The following RGS19 variants were observed in gnomAD, a reference collection of about 807,000 sequenced individuals.
RGS19 encodes regulator of G protein signaling 19.
In RGS19, 9 loss-of-function variants were observed where a neutral mutation model predicts 22.0. That is an observed-to-expected ratio of 0.41 (90% confidence interval 0.25 to 0.71). RGS19 has a LOEUF of 0.71. RGS19 is among the 30% of genes least tolerant of loss of function. RGS19 has a pLI of 0.32. For synonymous variants in RGS19, 130 were observed against 127.3 expected (o/e 1.02, Z -0.14); for missense variants, 256 against 307.1 (o/e 0.83, Z 1.24).
intron 1 of RGS19, among the ~76,000 whole-genome samples, chr20:64,078,686 C>T (rs1174166597): frequency 1.3e-5 from 2 of 152,172 alleles, no homozygotes; most frequent in East Asian, 1.9e-4. Flanking sequence ...GACCTGGCTT[C>T]CTGTACCCTT....
In RGS19 at chr20:64,074,353, G is replaced by A; in HGVS notation, c.253C>T (p.Gln85Ter). 1.2e-6 allele frequency: 2 copies of A among 1,611,440 alleles called. No individual in the cohort carries two copies. The highest frequency in any genetic ancestry group is 1.7e-6 in the Non-Finnish European group (2 of 1,179,444). The change falls in exon 5 of 6, where the codon CAG becomes TAG. Residue 85 changes from glutamine to a stop codon, truncating the protein, a stop_gained. Coordinates refer to ENST00000395042, the MANE Select transcript of RGS19 (RefSeq NM_005873.3). LOFTEE classifies it high-confidence loss of function. ...TTGTCAAAAGACTGCGCCCAGCTCT[G>A]CACCTCCTCAGGACTTGGCGTGGCA... is the stretch of plus-strand genomic sequence containing the variant. Reference protein sequence around the residue: ...VCATPSPEEVQSWAQSFDKLM... With the variant: ...VCATPSPEEV
In RGS19 at chr20:64,075,885, C is replaced by T. The variant is rs7508991; in HGVS notation, c.152+640G>A. On this transcript the variant is annotated intron_variant, in intron 3 of 5. Transcript: ENST00000395042. The surrounding 1 kb of genome is among the most constrained non-coding windows in gnomAD (Gnocchi z 4.6). Reference sequence around the variant, plus strand: ...TGTGCCTGTCTTTCTTTCTTTCTTTCTTTTTTTTTTTTTGAGACGGAGTTT... The same window carrying T: ...TGTGCCTGTCTTTCTTTCTTTCTTTTTTTTTTTTTTTTTGAGACGGAGTTT... 2.4e-5 allele frequency among the ~76,000 whole-genome samples: 2 copies of T among 83,258 alleles called. No individual in the cohort carries two copies. Among genetic ancestry groups the T allele is most frequent in the African/African-American group, 3.6e-5 (1 of 28,106 alleles). The allele number at this position is 83,258 out of a possible 152,430, so 54.6% of individuals were successfully genotyped here.
At chr20:64,077,156 C>T (rs1198543612) in intron 1 of RGS19, 2 of 402,942 alleles carry the variant, frequency 5.0e-6, no homozygotes, top group Admixed American at 4.3e-5. Context: ...GGAGCTGCAG[C>T]AGCTTCTGGC....
At position 64,074,553 on chromosome 20, in the gene RGS19, G is replaced by A. The variant is rs1601611427; in HGVS notation, c.153-12C>T. The A allele has an allele frequency of 1.3e-6, 2 of 1,551,226 alleles. No homozygotes were observed. The highest frequency in any genetic ancestry group is 2.4e-5 in the East Asian group (1 of 41,250). On this transcript the variant is annotated splice_polypyrimidine_tract_variant and intron_variant, in intron 3 of 5. Coordinates refer to ENST00000395042, the MANE Select transcript of RGS19 (RefSeq NM_005873.3). ...GCCGCTCTTGGTTCCTAGTGGCAGA[G>A]AGGAAGCAGCGCTGCCGTGGGCACA...
rs1347334399 is a variant in RGS19 at position 64,073,620 on chromosome 20, G to A, written c.*233C>T. The A allele has an allele frequency of 6.0e-6, 3 of 496,588 alleles. No homozygotes were observed. The South Asian group carries it at 9.6e-5, about 16-fold the overall frequency. 30.8% of individuals were successfully genotyped at this position (496,588 alleles called of 1,614,324 possible). A position where few individuals can be genotyped will look rare whatever the true frequency, so the allele number is the denominator to read the frequency against. On this transcript the variant is annotated 3_prime_UTR_variant, in exon 6 of 6. Transcript: ENST00000395042. ...CCAGCCAGCTGCGGGCCGATGAGGG[G>A]GCTTCTGGCCCGCCCTGCACCTGGA...
chr20:64,078,256 C>G (rs1301487532), intron 1 of RGS19, among the ~76,000 whole-genome samples: 1 of 152,250 alleles, frequency 6.6e-6, no homozygotes, highest in African/African-American at 2.4e-5. Context: ...CCCCTGGGAC[C>G]TTGGCCCCTC....
In RGS19 at chr20:64,079,011, C is replaced by A. The variant is rs989652996; in HGVS notation, c.-69+283G>T. On this transcript the variant is annotated intron_variant, in intron 1 of 5. Coordinates refer to ENST00000395042, the MANE Select transcript of RGS19 (RefSeq NM_005873.3). The surrounding 1 kb of genome is among the most constrained non-coding windows in gnomAD (Gnocchi z 5.1). Reference sequence around the variant, plus strand: ...ACAATCCCAGAAAAAAATGTCATAACCTTTGGGAGGGGGGTTGAAGAGGGG... The same window carrying A: ...ACAATCCCAGAAAAAAATGTCATAAACTTTGGGAGGGGGGTTGAAGAGGGG... 2.0e-5 allele frequency among the ~76,000 whole-genome samples: 3 copies of A among 152,142 alleles called. No homozygotes were observed. Among genetic ancestry groups the A allele is most frequent in the African/African-American group, 7.2e-5 (3 of 41,422 alleles).
chr20:64,076,980 C>A, intron 1 of RGS19, 26 bp from the exon 2 acceptor site: 1 of 1,198,928 alleles, frequency 8.3e-7, no homozygotes, highest in Non-Finnish European at 1.1e-6. Flanking sequence ...AAGGTTCTGA[C>A]TGAGAACCTG....
At chr20:64,078,053 C>T (rs566989156) in intron 1 of RGS19, among the ~76,000 whole-genome samples, 16 of 152,342 alleles carry the variant, frequency 1.1e-4, no homozygotes, top group Middle Eastern at 3.4e-3. Context: ...CCCCCCGCCA[C>T]GCCTCCCCTA....
Position 64,076,582 on chromosome 20 carries a change from G to C in RGS19, c.95C>G (p.Ala32Gly). Residue 32 changes from alanine to glycine, a missense_variant, in exon 3 of 6, where the codon GCG becomes GGG. Coordinates refer to ENST00000395042, the MANE Select transcript of RGS19 (RefSeq NM_005873.3). ...SMSSHDTASPAAPSRNPCCLC... is the reference protein window; with the variant it reads ...SMSSHDTASPGAPSRNPCCLC... ...GCAGCAGGGGTTGCGGCTGGGGGCC[G>C]CTGGAGAGGCTGTATCATGACTGGA... 1 of 1,612,346 alleles carries C rather than the reference G, an allele frequency of 6.2e-7. No individual in the cohort carries two copies. Among genetic ancestry groups the C allele is most frequent in the Non-Finnish European group, 8.5e-7 (1 of 1,179,638 alleles).
rs200974006 is a variant in RGS19 at position 64,074,150 on chromosome 20, G to A, written c.456C>T (p.Pro152=). 2 of 1,612,740 alleles carry A rather than the reference G, an allele frequency of 1.2e-6. No individual in the cohort carries two copies. ...IYEDYVSILS[P]KEVSLDSRVR... ...GTTCTGGTGTCTGGCGCACCTCCTT[G>A]GGGGACAGGATGGATACGTAGTCCT... Residue 152 remains proline (P), a synonymous_variant, in exon 5 of 6, where the codon CCC becomes CCT. Transcript: ENST00000395042.
At chr20:64,074,912 G>T (rs1331597038) in intron 3 of RGS19, among the ~76,000 whole-genome samples, 1 of 152,168 alleles carries the variant, frequency 6.6e-6, no homozygotes, top group Admixed American at 6.5e-5. Flanking sequence ...TGGCCCACTG[G>T]GCAACCTCCT....
In RGS19 at chr20:64,074,496, C is replaced by T. The variant is rs774275801; in HGVS notation, c.198G>A (p.Lys66=). 2 of 1,582,396 alleles carry T rather than the reference C, an allele frequency of 1.3e-6. No homozygotes were observed. Among genetic ancestry groups the T allele is most frequent in the Non-Finnish European group, 1.7e-6 (2 of 1,165,132 alleles). The stretch of plus-strand genomic sequence containing the variant: ...CTTCACAGCTGGGGAGGGGCTGCAG[C>T]TTGCTCTCCCGGGAGGCCTGCCACG... The part of the protein sequence containing the change: ...RRAWQASRES[K]LQPLPSCEVC... The change falls in exon 4 of 6, where the codon AAG becomes AAA. Residue 66 remains lysine, a synonymous_variant. Coordinates refer to ENST00000395042, the MANE Select transcript of RGS19 (RefSeq NM_005873.3).
In RGS19 at chr20:64,076,320, G is replaced by C. The variant is rs564553377; in HGVS notation, c.152+205C>G. 5.3e-5 allele frequency among the ~76,000 whole-genome samples: 8 copies of C among 152,380 alleles called. No homozygotes were observed. In the South Asian group the frequency reaches 1.0e-3, roughly 20 times the overall value. On this transcript the variant is annotated intron_variant, in intron 3 of 5. Transcript: ENST00000395042. The stretch of plus-strand genomic sequence containing the variant: ...CACACCCTTGGCAAGACAGGTACGA[G>C]AGCCATACATGAGCTCCCTGGGGCC...
At chr20:64,078,853 G>A (rs1241874859) in intron 1 of RGS19, among the ~76,000 whole-genome samples, 2 of 152,168 alleles carry the variant, frequency 1.3e-5, no homozygotes, top group Non-Finnish European at 2.9e-5. Flanking sequence ...TCTGGGATGG[G>A]ATAGGCTGGA....
Position 64,076,592 on chromosome 20 carries a change from C to T in RGS19, c.85G>A (p.Ala29Thr). ...RPPSMSSHDT[A>T]SPAAPSRNPC... ...TTGCGGCTGGGGGCCGCTGGAGAGG[C>T]TGTATCATGACTGGACATTGAAGGG... The change falls in exon 3 of 6, where the codon GCC becomes ACC. Residue 29 changes from alanine to threonine, a missense_variant. Physicochemically the swap from Ala to Thr is moderately conservative, Grantham distance 58 (BLOSUM62 0). Transcript: ENST00000395042. The T allele has an allele frequency of 6.2e-7, 1 of 1,612,014 alleles. No individual in the cohort carries two copies. Among genetic ancestry groups the T allele is most frequent in the Non-Finnish European group, 8.5e-7 (1 of 1,179,514 alleles).
intron 1 of RGS19, among the ~76,000 whole-genome samples, chr20:64,078,890 T>G (rs1271363931): frequency 6.6e-6 from 1 of 152,006 alleles, no homozygotes; most frequent in African/African-American, 2.4e-5. Flanking sequence ...TCTCTGGGGA[T>G]AGAGGATCCC....
In RGS19 at chr20:64,075,958, C is replaced by G. The variant is rs1034953395; in HGVS notation, c.152+567G>C. Among the ~76,000 whole-genome samples, 1 of 151,818 alleles carries G rather than the reference C, an allele frequency of 6.6e-6. No homozygotes were observed. The highest frequency in any genetic ancestry group is 2.4e-5 in the African/African-American group (1 of 41,292). On this transcript the variant is annotated intron_variant, in intron 3 of 5. Coordinates refer to ENST00000395042, the MANE Select transcript of RGS19 (RefSeq NM_005873.3). This position sits in a 1 kb window ranked among gnomAD's most constrained non-coding sequence, Gnocchi z 4.6. Reference sequence around the variant, plus strand: ...GTGCAATGACGCGATCTCGGCTCAACGCAACCTCCGCCTCCCAGGTTCAAG... The same window carrying G: ...GTGCAATGACGCGATCTCGGCTCAAGGCAACCTCCGCCTCCCAGGTTCAAG...
rs764889382 is a variant in RGS19, at chr20:64,076,590, G to C, written c.87C>G (p.Ala29=). The C allele has an allele frequency of 1.5e-5, 24 of 1,612,168 alleles. No homozygotes were observed. In the African/African-American group the frequency reaches 3.2e-4, roughly 22 times the overall value. The change falls in exon 3 of 6, where the codon GCC becomes GCG. Residue 29 remains alanine (A), a synonymous_variant. Coordinates refer to ENST00000395042, the MANE Select transcript of RGS19 (RefSeq NM_005873.3). ...GGTTGCGGCTGGGGGCCGCTGGAGAGGCTGTATCATGACTGGACATTGAAG... is the reference window on the plus strand; with the variant it reads ...GGTTGCGGCTGGGGGCCGCTGGAGACGCTGTATCATGACTGGACATTGAAG... ...RPPSMSSHDT[A]SPAAPSRNPC... is the part of the protein sequence containing the mutation.
Sources: gnomAD v4.1 joint callset for allele counts (sites outside exome capture counted in the v4.1 genomes callset) on GRCh38, gnomAD v4.1.1 for gene constraint, Gnocchi (gnomAD v3.1) non-coding constraint, MANE v1.5 for transcripts, NCBI Gene and HGNC (gene_info 2026-07-23, HGNC 2026-07-21) for gene names.